The following DIP2C variants were observed in gnomAD, a reference collection of about 807,000 sequenced individuals.
DIP2C encodes the protein disco-interacting protein 2 homolog C.
Under a neutral mutation model 192.4 loss-of-function variants are expected in DIP2C, and 33 were observed. The ratio of observed to expected loss-of-function variants is 0.17; its 90% CI spans 0.13 to 0.23. The LOEUF (loss-of-function observed/expected upper bound fraction) is 0.23. DIP2C is among the 10% of genes least tolerant of loss of function. The pLI is 1.00. For synonymous variants in DIP2C, 979 were observed against 864.1 expected, an observed-to-expected ratio of 1.13 and a Z score of -2.33; for missense variants, 1,537 against 2,110.1, an observed-to-expected ratio of 0.73 and a Z score of 5.32.
At chr10:526,921 C>CA (rs917474997) in intron 1 of DIP2C, among the ~76,000 whole-genome samples, 1 of 152,238 alleles carries the variant, frequency 6.6e-6, no homozygotes, top group African/African-American at 2.4e-5. Flanking sequence ...TGTCCAGGTG[C>CA]ATCAGGCAGC....
At chr10:491,072 C>A (rs1050736762) in intron 1 of DIP2C, among the ~76,000 whole-genome samples, 8 of 152,180 alleles carry the variant, frequency 5.3e-5, no homozygotes, top group African/African-American at 1.9e-4. Context: ...AGACAGACAC[C>A]CGGCCCTTGT....
intron 1 of DIP2C, among the ~76,000 whole-genome samples, chr10:618,785 G>C (rs967719525): frequency 3.3e-5 from 5 of 152,224 alleles, no homozygotes; most frequent in African/African-American, 1.2e-4. Flanking sequence ...GACACGTGCA[G>C]ACCAGAGCCC....
rs78675594 is a variant in DIP2C, at chr10:422,107, G to T, written c.604+717C>A. On this transcript the variant is annotated intron_variant, in intron 5 of 36. Transcript: ENST00000280886. ...GGGAGGGTCTGAGCCCGTGGCTCGA[G>T]CTCCGTTATCGGCGACGTGGTAAGC... Among the ~76,000 whole-genome samples, 586 of 152,306 alleles carry T rather than the reference G, an allele frequency of 3.8e-3. 2 individuals carry two copies. The highest frequency in any genetic ancestry group is 6.6e-3 in the Non-Finnish European group (448 of 68,038).
chr10:603,908 C>T (rs1254391912), intron 1 of DIP2C, among the ~76,000 whole-genome samples: 1 of 151,696 alleles, frequency 6.6e-6, no homozygotes, highest in Middle Eastern at 3.2e-3. Flanking sequence ...CGACCACTGC[C>T]CCAGCCTCAG....
At chr10:522,644 C>T (rs1221272646) in intron 1 of DIP2C, among the ~76,000 whole-genome samples, 1 of 152,264 alleles carries the variant, frequency 6.6e-6, no homozygotes, top group Non-Finnish European at 1.5e-5. Flanking sequence ...GACCATCTTT[C>T]CACATGTGGA....
chr10:669,607 T>C (rs891236073), intron 1 of DIP2C: 5 of 152,266 alleles, frequency 3.3e-5, no homozygotes, highest in African/African-American at 9.6e-5. Context: ...TCTTTAAGAC[T>C]GGTTTATGAT....
intron 23 of DIP2C, 66 bp downstream of exon 23, chr10:357,762 G>A (rs955450947): frequency 1.6e-5 from 20 of 1,255,108 alleles, no homozygotes; most frequent in East Asian, 1.4e-4. Flanking sequence ...GGGGATGGTC[G>A]CAGATGGTCG....
At chr10:388,342 G>T (rs1455948283) in intron 13 of DIP2C, among the ~76,000 whole-genome samples, 1 of 152,184 alleles carries the variant, frequency 6.6e-6, no homozygotes, top group Non-Finnish European at 1.5e-5. Context: ...GGTGCTAAAA[G>T]CTCGTGCTTG....
rs750778376 is a variant in DIP2C at position 281,211 on chromosome 10, G to A, written c.4407C>T (p.Ser1469=). The A allele has an allele frequency of 1.1e-5, 18 of 1,613,936 alleles. No homozygotes were observed. Among genetic ancestry groups the A allele is most frequent in the Admixed American group, 1.7e-5 (1 of 59,998 alleles). The change falls in exon 36 of 37, where the codon AGC becomes AGT. Residue 1469 remains serine (S), a synonymous_variant. Coordinates refer to ENST00000280886, the MANE Select transcript of DIP2C (RefSeq NM_014974.3). Reference sequence around the variant, plus strand: ...AGCTCACGACTTACCATTCCGTAACGCTTTTATGGGCTCTGATGACCGAGG... The same window carrying A: ...AGCTCACGACTTACCATTCCGTAACACTTTTATGGGCTCTGATGACCGAGG... ...IETSVIRAHK[S]VTECAVFTWT... is the part of the protein sequence containing the mutation.
intron 1 of DIP2C, among the ~76,000 whole-genome samples, chr10:520,217 C>A (rs976698881): frequency 1.3e-5 from 2 of 152,156 alleles, no homozygotes; most frequent in African/African-American, 4.8e-5. Flanking sequence ...AGTTTCCACA[C>A]GGGCCTTCAA....
intron 3 of DIP2C, among the ~76,000 whole-genome samples, chr10:472,145 A>G (rs1194118828): frequency 6.6e-6 from 1 of 152,242 alleles, no homozygotes; most frequent in Non-Finnish European, 1.5e-5. Context: ...ACCACGATTA[A>G]AAAGTTATTT....
At chr10:334,563 G>C (rs988331341) in intron 29 of DIP2C, among the ~76,000 whole-genome samples, 1 of 151,998 alleles carries the variant, frequency 6.6e-6, no homozygotes, top group Admixed American at 6.6e-5. Context: ...TATAATTTTT[G>C]CTCTTACATT....
At chr10:570,942 C>T (rs1487918986) in intron 1 of DIP2C, among the ~76,000 whole-genome samples, 1 of 152,260 alleles carries the variant, frequency 6.6e-6, no homozygotes, top group Non-Finnish European at 1.5e-5. Flanking sequence ...GCTCAACAGA[C>T]GTTATTCTTC....
intron 31 of DIP2C, among the ~76,000 whole-genome samples, chr10:314,995 C>T (rs934932978): frequency 3.3e-5 from 5 of 152,112 alleles, no homozygotes; most frequent in African/African-American, 1.2e-4. Flanking sequence ...TTTACTTGTC[C>T]CTTTCTTTGT....
intron 3 of DIP2C, 117 bp from the exon 4 acceptor site, chr10:441,113 T>C: frequency 8.2e-7 from 1 of 1,224,732 alleles, no homozygotes; most frequent in Non-Finnish European, 1.1e-6. Flanking sequence ...CACCAACAGA[T>C]GGGTGGGCGA....
intron 1 of DIP2C, among the ~76,000 whole-genome samples, chr10:595,963 T>C (rs1483153827): frequency 6.6e-6 from 1 of 151,864 alleles, no homozygotes. Context: ...CGACAAAGAG[T>C]GGACACTGCT....
intron 1 of DIP2C, among the ~76,000 whole-genome samples, chr10:671,280 CACAG>C (rs1439546490): frequency 2.6e-5 from 4 of 152,352 alleles, no homozygotes; most frequent in East Asian, 3.9e-4. Context: ...GCCACAGGCT[CACAG>C]ACAGAGGAAA....
intron 1 of DIP2C, among the ~76,000 whole-genome samples, chr10:629,072 T>A (rs1347114986): frequency 6.6e-6 from 1 of 152,180 alleles, no homozygotes; most frequent in Non-Finnish European, 1.5e-5. Flanking sequence ...GAGAAGGGGC[T>A]GCCGAGGCCA....
chr10:689,154 C>T lies in DIP2C; in HGVS notation c.85+340G>A, dbSNP rs1004208862. ...CCAGGCCCCACAGACACCCCCAGGG[C>T]GCGGGGGGATCGCGGCCCCACAAAC... On this transcript the variant is annotated intron_variant, in intron 1 of 36. Transcript: ENST00000280886. The surrounding 1 kb of genome is among the most constrained non-coding windows in gnomAD (Gnocchi z 6.1). 6.6e-6 allele frequency among the ~76,000 whole-genome samples: 1 copy of T among 151,892 alleles called. No individual in the cohort carries two copies. Among genetic ancestry groups the T allele is most frequent in the Non-Finnish European group, 1.5e-5 (1 of 67,924 alleles).
Sources: allele counts gnomAD v4.1 joint callset (sites outside exome capture counted in the v4.1 genomes callset), GRCh38; gene constraint gnomAD v4.1.1; non-coding constraint Gnocchi (gnomAD v3.1); transcripts MANE v1.5; gene names NCBI Gene and HGNC (gene_info 2026-07-23, HGNC 2026-07-21).